Variants in RYR3 observed in about 807,000 individuals in gnomAD.
RYR3 encodes the protein ryanodine receptor 3, also known as brain ryanodine receptor-calcium release channel.
In RYR3, 207 loss-of-function variants were observed where a neutral mutation model predicts 584.3. The ratio of observed to expected loss-of-function variants is 0.35; its 90% confidence interval spans 0.32 to 0.40. The LOEUF (loss-of-function observed/expected upper bound fraction) is 0.40, where lower values mean the gene tolerates loss of function less well. Among genes scored for constraint, RYR3 ranks in the 10% least tolerant of loss-of-function variants. The probability of loss-of-function intolerance (pLI) is 1.00; values close to 1 mark genes in which losing one functional copy is unlikely to be tolerated. For synonymous variants in RYR3, 2,416 were observed against 2,248.5 expected (o/e 1.07, Z -2.11); for missense variants, 5,616 against 6,089.2 (o/e 0.92, Z 2.59).
intron 2 of RYR3, among the ~76,000 whole-genome samples, chr15:33,500,578 G>A (rs980282987): frequency 1.4e-3 from 206 of 152,264 alleles, no homozygotes; most frequent in Non-Finnish European, 1.7e-3. Flanking sequence ...TCTAGGTTCA[G>A]GGCAGGGCTT....
chr15:33,540,413 C>T (rs1010012279), intron 6 of RYR3, among the ~76,000 whole-genome samples: 13 of 151,978 alleles, frequency 8.6e-5, no homozygotes, highest in Admixed American at 3.3e-4. Flanking sequence ...AAGCTTCTCA[C>T]GGAGTCAACT....
chr15:33,578,502 C>T (rs750303035), intron 12 of RYR3, among the ~76,000 whole-genome samples: 6 of 152,014 alleles, frequency 3.9e-5, no homozygotes, highest in Non-Finnish European at 5.9e-5. Context: ...CAAACTAATT[C>T]GGGAACAGAA....
At chr15:33,682,995 T>A (rs2064736396) in intron 38 of RYR3, among the ~76,000 whole-genome samples, 1 of 107,574 alleles carries the variant, frequency 9.3e-6, no homozygotes, top group African/African-American at 2.7e-5. Context: ...TTGAGAGTCA[T>A]GTTTCCTTTT....
intron 93 of RYR3, chr15:33,847,356 A>G (rs1037155212): frequency 6.6e-6 from 1 of 152,216 alleles, no homozygotes; most frequent in African/African-American, 2.4e-5. Context: ...TGTGGGGTAC[A>G]TGCATATCAT....
chr15:33,312,859 G>GT lies in RYR3; in HGVS notation c.51+1769dup, dbSNP rs376000158. On this transcript the variant is annotated intron_variant, in intron 1 of 103. Transcript: ENST00000634891. ...TTCCTCTCCATCTGGCATTGTAAGT[G>GT]TTTTTTGTTTTTGTTTGTTTTTGGT... is the stretch of plus-strand genomic sequence containing the variant. 1.3e-3 allele frequency among the ~76,000 whole-genome samples: 203 copies of GT among 152,272 alleles called. 2 individuals carry two copies. The highest frequency in any genetic ancestry group is 4.6e-3 in the African/African-American group (192 of 41,548).
chr15:33,335,427 A>G (rs562480886), intron 1 of RYR3, among the ~76,000 whole-genome samples: 3 of 152,202 alleles, frequency 2.0e-5, no homozygotes, highest in Non-Finnish European at 4.4e-5. Context: ...CTAATACAGG[A>G]ACAGAAAATC....
intron 18 of RYR3, among the ~76,000 whole-genome samples, chr15:33,605,577 G>A (rs1197051886): frequency 1.3e-5 from 2 of 152,186 alleles, no homozygotes; most frequent in African/African-American, 2.4e-5. Flanking sequence ...TCCAGCATCT[G>A]ATGAGACATG....
At chr15:33,602,819 C>T (rs1486347236) in intron 17 of RYR3, among the ~76,000 whole-genome samples, 1 of 143,380 alleles carries the variant, frequency 7.0e-6, no homozygotes, top group Non-Finnish European at 1.5e-5. Flanking sequence ...AATCATGGCT[C>T]ACTGCAGCCT....
rs188909379 is a variant in RYR3, at chr15:33,738,724, A to C, written c.7656+134A>C. The C allele has an allele frequency of 8.9e-6, 8 of 899,172 alleles. No individual in the cohort carries two copies. The African/African-American group carries it at 1.3e-4, about 15-fold the overall frequency. The allele number at this position is 899,172 out of a possible 1,614,324, so 55.7% of individuals were successfully genotyped here. ...AGTACTTCACAAGCATATTACGCCA[A>C]TCCTTGCCCATCTCTCTGAAATGGA... On this transcript the variant is annotated intron_variant, in intron 50 of 103. Transcript: ENST00000634891.
intron 16 of RYR3, among the ~76,000 whole-genome samples, chr15:33,595,379 A>G (rs571581579): frequency 6.6e-6 from 1 of 152,220 alleles, no homozygotes; most frequent in South Asian, 2.1e-4. Context: ...TGTAACCTTT[A>G]TAATCTTTAT....
intron 2 of RYR3, among the ~76,000 whole-genome samples, chr15:33,502,214 A>G (rs1190677038): frequency 6.6e-6 from 1 of 152,164 alleles, no homozygotes; most frequent in African/African-American, 2.4e-5. Flanking sequence ...CGATTATCTT[A>G]TTTTTGAGAA....
At chr15:33,756,267 G>A (rs1338358834) in intron 58 of RYR3, 39 bp from the exon 59 acceptor site, 20 of 1,453,016 alleles carry the variant, frequency 1.4e-5, no homozygotes, top group Admixed American at 1.2e-4. Context: ...TTTTTACTTC[G>A]TAACTCTGGC....
chr15:33,587,837 T>C (rs1323222957), intron 16 of RYR3, among the ~76,000 whole-genome samples: 1 of 152,202 alleles, frequency 6.6e-6, no homozygotes, highest in Non-Finnish European at 1.5e-5. Context: ...CACTAATGTA[T>C]TTGTGGTCAT....
chr15:33,496,933 A>T (rs913620656), intron 2 of RYR3, among the ~76,000 whole-genome samples: 7 of 152,112 alleles, frequency 4.6e-5, no homozygotes, highest in African/African-American at 1.7e-4. Flanking sequence ...TAAAAAAAAA[A>T]TTCCTTGAAG....
chr15:33,556,257 T>C (rs1259844577), intron 10 of RYR3, among the ~76,000 whole-genome samples: 1 of 152,204 alleles, frequency 6.6e-6, no homozygotes, highest in Non-Finnish European at 1.5e-5. Flanking sequence ...AGCTACTCCA[T>C]TCCACATATC....
At chr15:33,647,400 A>C (rs1478312337) in intron 29 of RYR3, 24 bp from the exon 30 acceptor site, 4 of 1,598,140 alleles carry the variant, frequency 2.5e-6, no homozygotes, top group Non-Finnish European at 2.6e-6. Context: ...TGAATAACTA[A>C]AACATGGATT....
intron 12 of RYR3, among the ~76,000 whole-genome samples, chr15:33,576,983 G>A (rs1221914493): frequency 3.9e-5 from 6 of 151,992 alleles, no homozygotes; most frequent in African/African-American, 9.7e-5. Context: ...GCGAACAAGT[G>A]GAGAGCCAAA....
At chr15:33,398,118 A>C (rs17236017) in intron 1 of RYR3, among the ~76,000 whole-genome samples, 1 of 152,194 alleles carries the variant, frequency 6.6e-6, no homozygotes, top group Non-Finnish European at 1.5e-5. Flanking sequence ...TCTTTGAAGA[A>C]TGATCTGATA....
intron 1 of RYR3, among the ~76,000 whole-genome samples, chr15:33,450,748 C>T (rs1416259219): frequency 6.6e-6 from 1 of 151,970 alleles, no homozygotes; most frequent in Non-Finnish European, 1.5e-5. Context: ...TTTAGTCATC[C>T]CTAGTTCATG....
Sources: allele counts gnomAD v4.1 joint callset (sites outside exome capture counted in the v4.1 genomes callset), GRCh38; gene constraint gnomAD v4.1.1; transcripts MANE v1.5; gene names NCBI Gene and HGNC (gene_info 2026-07-23, HGNC 2026-07-21).